XIRP2: variants seen among roughly 807,000 people sequenced by gnomAD.
XIRP2 encodes the protein xin actin-binding repeat-containing protein 2.
Under a neutral mutation model 277.0 loss-of-function variants are expected in XIRP2, and 236 were observed. The ratio of observed to expected loss-of-function variants is 0.85; its 90% CI spans 0.77 to 0.95. The LOEUF is 0.95. Ranked by LOEUF, XIRP2 falls within the 40% of genes least tolerant of loss-of-function variation. The pLI is 0.00. For synonymous variants in XIRP2, 1,490 were observed against 1,416.5 expected, an observed-to-expected ratio of 1.05 and a Z score of -1.17; for missense variants, 4,640 against 4,157.5, an observed-to-expected ratio of 1.12 and a Z score of -3.19.
At chr2:166,933,863 A>G (rs957104336) in intron 2 of XIRP2, among the ~76,000 whole-genome samples, 1 of 152,166 alleles carries the variant, frequency 6.6e-6, no homozygotes, top group East Asian at 1.9e-4. Context: ...AATCTAATAT[A>G]TAATTTATTC....
At chr2:167,087,002 G>A (rs1689969358) in intron 2 of XIRP2, among the ~76,000 whole-genome samples, 1 of 151,872 alleles carries the variant, frequency 6.6e-6, no homozygotes, top group Admixed American at 6.6e-5. Context: ...GCGTTCCTTT[G>A]GAGGAGGAGA....
chr2:167,081,070 T>G (rs1466675720), intron 2 of XIRP2, among the ~76,000 whole-genome samples: 1 of 152,162 alleles, frequency 6.6e-6, no homozygotes, highest in Non-Finnish European at 1.5e-5. Flanking sequence ...AGGGGTAATA[T>G]TTAAATTTCT....
intron 2 of XIRP2, among the ~76,000 whole-genome samples, chr2:167,052,116 A>C (rs532604073): frequency 3.3e-5 from 5 of 152,210 alleles, no homozygotes; most frequent in Admixed American, 6.6e-5. Flanking sequence ...CAAGGACATT[A>C]GTTTCTGGTA....
At chr2:166,910,919 G>A (rs375702723) in intron 2 of XIRP2, among the ~76,000 whole-genome samples, 26 of 152,230 alleles carry the variant, frequency 1.7e-4, no homozygotes, top group South Asian at 2.1e-4. Flanking sequence ...GTAGTTGAGC[G>A]GTTTTGAGTG....
intron 10 of XIRP2, among the ~76,000 whole-genome samples, chr2:167,255,678 C>G (rs1393513028): frequency 6.6e-6 from 1 of 151,796 alleles, no homozygotes; most frequent in Admixed American, 6.6e-5. Flanking sequence ...TGTTATCTCC[C>G]TCTTTGCCCT....
intron 2 of XIRP2, chr2:167,123,843 C>T (rs966777045): frequency 6.6e-6 from 1 of 152,106 alleles, no homozygotes; most frequent in African/African-American, 2.4e-5. Flanking sequence ...CAAGCATATT[C>T]TCAGGTACTG....
rs1307375807 is a variant in XIRP2, at chr2:167,259,149, T to C, written c.*1332T>C. On this transcript the variant is annotated 3_prime_UTR_variant, in exon 11 of 11. Transcript: ENST00000409195. ...GATTCTGTAGATCAAATTAAAAATATGCCATGCTTGGATTTAAGGGAATTT... is the reference window on the plus strand; with the variant it reads ...GATTCTGTAGATCAAATTAAAAATACGCCATGCTTGGATTTAAGGGAATTT... The C allele has an allele frequency of 1.2e-5, 20 of 1,612,680 alleles. No individual in the cohort carries two copies. The highest frequency in any genetic ancestry group is 1.5e-5 in the Non-Finnish European group (18 of 1,179,414).
intron 2 of XIRP2, among the ~76,000 whole-genome samples, chr2:167,086,731 G>T (rs992751373): frequency 6.6e-6 from 1 of 150,592 alleles, no homozygotes; most frequent in Non-Finnish European, 1.5e-5. Flanking sequence ...CCAGTTGATC[G>T]CATCAGCTCC....
intron 1 of XIRP2, among the ~76,000 whole-genome samples, chr2:166,896,988 A>G (rs539914942): frequency 3.3e-5 from 5 of 152,300 alleles, no homozygotes; most frequent in East Asian, 1.9e-4. Context: ...AGGCTATACC[A>G]TATTGGCTAG....
At chr2:167,049,027 T>G (rs147863454) in intron 2 of XIRP2, among the ~76,000 whole-genome samples, 23 of 152,000 alleles carry the variant, frequency 1.5e-4, no homozygotes, top group African/African-American at 4.6e-4. Context: ...TCTTGGCTTC[T>G]CTCCCTACCT....
At chr2:167,207,752 C>T (rs529151035) in intron 3 of XIRP2, among the ~76,000 whole-genome samples, 3 of 152,202 alleles carry the variant, frequency 2.0e-5, no homozygotes, top group South Asian at 4.1e-4. Flanking sequence ...TTGGATCTAT[C>T]TATAGTATAT....
At chr2:167,116,930 T>C (rs1690912316) in intron 2 of XIRP2, among the ~76,000 whole-genome samples, 1 of 152,136 alleles carries the variant, frequency 6.6e-6, no homozygotes, top group Admixed American at 6.6e-5. Context: ...TCTAAGAAAA[T>C]GGATAAGTGT....
At chr2:166,957,846 G>A (rs779342387) in intron 2 of XIRP2, among the ~76,000 whole-genome samples, 16 of 151,792 alleles carry the variant, frequency 1.1e-4, no homozygotes, top group Non-Finnish European at 2.1e-4. Flanking sequence ...ACCTAACTCT[G>A]TATAAGACAT....
chr2:167,020,598 C>T (rs1274768657), intron 2 of XIRP2, among the ~76,000 whole-genome samples: 1 of 151,890 alleles, frequency 6.6e-6, no homozygotes, highest in African/African-American at 2.4e-5. Flanking sequence ...TCTACCCAGA[C>T]AATTCTTTTT....
At chr2:166,973,358 T>C (rs1045064916) in intron 2 of XIRP2, among the ~76,000 whole-genome samples, 2 of 152,222 alleles carry the variant, frequency 1.3e-5, no homozygotes, top group African/African-American at 4.8e-5. Flanking sequence ...TCTGTCATTA[T>C]CTTTTAACTT....
chr2:167,019,418 T>G (rs906795763), intron 2 of XIRP2, among the ~76,000 whole-genome samples: 3 of 152,060 alleles, frequency 2.0e-5, no homozygotes, highest in Non-Finnish European at 4.4e-5. Flanking sequence ...TAAGATTATT[T>G]AGAAGGGTGA....
intron 3 of XIRP2, among the ~76,000 whole-genome samples, chr2:167,160,132 C>T (rs1336587729): frequency 6.6e-6 from 1 of 152,020 alleles, no homozygotes; most frequent in Non-Finnish European, 1.5e-5. Flanking sequence ...TAAATGGATA[C>T]TGTCTGATAA....
intron 2 of XIRP2, among the ~76,000 whole-genome samples, chr2:167,110,872 A>T (rs751034546): frequency 1.3e-5 from 2 of 151,958 alleles, no homozygotes; most frequent in Non-Finnish European, 2.9e-5. Context: ...AATTATCATT[A>T]TGGAGAAATT....
rs1165931329 is a variant in XIRP2 at position 167,242,692 on chromosome 2, A to G, written c.1300A>G (p.Thr434Ala). The G allele has an allele frequency of 3.7e-6, 6 of 1,614,112 alleles. No individual in the cohort carries two copies. The South Asian group carries it at 6.6e-5, about 18-fold the overall frequency. ...STTRYSDHSV[T>A]SSTLAQINAT... is the part of the protein sequence containing the mutation. ...TACAAGATATAGTGATCACAGTGTC[A>G]CTTCCTCAACTCTGGCACAAATTAA... The change falls in exon 9 of 11, where the codon ACT becomes GCT. Residue 434 changes from threonine (T) to alanine (A), a missense_variant. By Grantham distance (58) the Thr-to-Ala change is moderately conservative. Transcript: ENST00000409195.
Sources: gnomAD v4.1 joint callset for allele counts (sites outside exome capture counted in the v4.1 genomes callset) on GRCh38, gnomAD v4.1.1 for gene constraint, MANE v1.5 for transcripts, NCBI Gene and HGNC (gene_info 2026-07-23, HGNC 2026-07-21) for gene names.